ANO2: variants seen among roughly 807,000 people sequenced by gnomAD.
ANO2 encodes the protein anoctamin-2.
In ANO2, 101 loss-of-function variants were observed where a neutral mutation model predicts 124.2. The observed-to-expected ratio is 0.81, with a 90% CI of 0.69 to 0.96. The LOEUF is 0.96. Ranked by LOEUF, ANO2 falls within the 40% of genes least tolerant of loss-of-function variation. ANO2 has a pLI of 0.00. For missense variants in ANO2, 1,293 were observed against 1,274.5 expected (o/e 1.01, Z -0.22); for synonymous variants, 486 against 482.5 (o/e 1.01, Z -0.09).
At chr12:5,719,133 G>C (rs1372316819) in intron 14 of ANO2, among the ~76,000 whole-genome samples, 1 of 152,202 alleles carries the variant, frequency 6.6e-6, no homozygotes, top group South Asian at 2.1e-4. Flanking sequence ...GATACCGTTA[G>C]TGTCTGCTCC....
At chr12:5,600,405 C>G (rs1242635961) in intron 19 of ANO2, among the ~76,000 whole-genome samples, 1 of 152,128 alleles carries the variant, frequency 6.6e-6, no homozygotes, top group Non-Finnish European at 1.5e-5. Flanking sequence ...GTCAGTTAAG[C>G]CTATGGCATT....
rs376930143 is a variant in ANO2, at chr12:5,563,541, C to A, written c.2755G>T (p.Val919Leu). 3 of 1,613,844 alleles carry A rather than the reference C, an allele frequency of 1.9e-6. No homozygotes were observed. The highest frequency in any genetic ancestry group is 1.3e-5 in the African/African-American group (1 of 74,914). Residue 919 changes from valine to leucine, a missense_variant, in exon 25 of 25, where the codon GTG becomes TTG. By Grantham distance (32) the Val-to-Leu change is conservative. Transcript: ENST00000682330. ...GGGATGTCTGGAATCATCCAGTCCA[C>A]GAGGACGCTCAGGAACATCACGAGG... is the stretch of plus-strand genomic sequence containing the variant. ...QNLVMFLSVL[V>L]DWMIPDIPTD...
At chr12:5,604,655 C>A (rs1440267668) in intron 19 of ANO2, among the ~76,000 whole-genome samples, 2 of 151,896 alleles carry the variant, frequency 1.3e-5, no homozygotes, top group Non-Finnish European at 2.9e-5. Flanking sequence ...GTGGGTAGGT[C>A]AAAACAAATG....
At chr12:5,880,354 T>TA (rs1938398972) in intron 3 of ANO2, among the ~76,000 whole-genome samples, 3 of 151,370 alleles carry the variant, frequency 2.0e-5, no homozygotes, top group African/African-American at 7.3e-5. Context: ...CGTAGGTAGT[T>TA]AGATAGTAAC....
At chr12:5,891,856 T>C (rs1421318068) in intron 3 of ANO2, among the ~76,000 whole-genome samples, 1 of 152,092 alleles carries the variant, frequency 6.6e-6, no homozygotes, top group Non-Finnish European at 1.5e-5. Context: ...AAAACCCAGA[T>C]TTCCATAACA....
intron 9 of ANO2, among the ~76,000 whole-genome samples, chr12:5,802,844 C>A (rs1591634924): frequency 6.6e-6 from 1 of 152,194 alleles, no homozygotes; most frequent in Non-Finnish European, 1.5e-5. Flanking sequence ...GATTCCAGAG[C>A]CCTGGATGTA....
chr12:5,761,179 C>T (rs530372787), intron 10 of ANO2, among the ~76,000 whole-genome samples: 8 of 151,924 alleles, frequency 5.3e-5, no homozygotes, highest in African/African-American at 1.5e-4. Context: ...TTAGAGAAAA[C>T]CTACATTTTC....
intron 4 of ANO2, among the ~76,000 whole-genome samples, chr12:5,853,323 T>C (rs11063886): frequency 0.087 from 13,123 of 150,434 alleles, 697 homozygotes; most frequent in East Asian, 0.27. Context: ...TTTTAAATTA[T>C]GTATAGACTA....
rs1420900009 is a variant in ANO2 at position 5,900,810 on chromosome 12, T to C, written c.534+20230A>G. Among the ~76,000 whole-genome samples, 5 of 151,928 alleles carry C rather than the reference T, an allele frequency of 3.3e-5. No individual in the cohort carries two copies. On this transcript the variant is annotated intron_variant, in intron 3 of 24. Transcript: ENST00000682330. This position sits in a 1 kb window ranked among gnomAD's most constrained non-coding sequence, Gnocchi z 4.2. ...ATTTAATTAGAACTGGTGATGGCTG[T>C]TTGGAAAGAGTCAAGGCCAAGAGGG...
intron 3 of ANO2, among the ~76,000 whole-genome samples, chr12:5,906,536 C>T (rs1015353551): frequency 2.6e-5 from 4 of 152,020 alleles, no homozygotes; most frequent in Non-Finnish European, 4.4e-5. Context: ...GTGGCTCATG[C>T]CTGTAATCCC....
chr12:5,855,884 T>G (rs375948432), intron 3 of ANO2, among the ~76,000 whole-genome samples: 13 of 152,330 alleles, frequency 8.5e-5, no homozygotes, highest in Admixed American at 4.6e-4. Flanking sequence ...GTGTTTAGGC[T>G]AAAATCAAAT....
chr12:5,811,508 G>T (rs575717233), intron 7 of ANO2, among the ~76,000 whole-genome samples: 27 of 152,120 alleles, frequency 1.8e-4, no homozygotes, highest in Admixed American at 9.2e-4. Context: ...GGTTCCCAAA[G>T]AATACATTTT....
At chr12:5,719,472 G>C (rs1259669828) in intron 14 of ANO2, among the ~76,000 whole-genome samples, 2 of 152,160 alleles carry the variant, frequency 1.3e-5, no homozygotes, top group Non-Finnish European at 2.9e-5. Context: ...GGGTCTTTAA[G>C]AAGTGCTTAA....
chr12:5,803,970 T>A (rs1377794418), intron 9 of ANO2, among the ~76,000 whole-genome samples: 3 of 152,038 alleles, frequency 2.0e-5, no homozygotes, highest in African/African-American at 4.8e-5. Flanking sequence ...AAGGAGAACA[T>A]CCAGGTGCTG....
intron 1 of ANO2, among the ~76,000 whole-genome samples, chr12:5,937,315 G>A (rs182237006): frequency 2.0e-5 from 3 of 152,292 alleles, no homozygotes; most frequent in South Asian, 2.1e-4. Flanking sequence ...GACTGGTGAC[G>A]TCGAGGACTT....
intron 1 of ANO2, among the ~76,000 whole-genome samples, chr12:5,944,966 G>GT (rs1591823441): frequency 6.8e-6 from 1 of 146,068 alleles, no homozygotes. Flanking sequence ...CTCTCCTTGA[G>GT]TTAAAAAAAA....
intron 14 of ANO2, among the ~76,000 whole-genome samples, chr12:5,696,622 T>C (rs962953102): frequency 1.3e-5 from 2 of 152,212 alleles, no homozygotes; most frequent in African/African-American, 2.4e-5. Flanking sequence ...AAACTCATAC[T>C]GTGTGGCTTG....
chr12:5,879,521 G>C (rs185391557), intron 3 of ANO2, among the ~76,000 whole-genome samples: 1 of 152,284 alleles, frequency 6.6e-6, no homozygotes, highest in Non-Finnish European at 1.5e-5. Flanking sequence ...TCATTGTCAA[G>C]AAGCTCAATA....
Position 5,564,154 on chromosome 12 carries a change from A to G in ANO2, c.2728-586T>C, listed in dbSNP as rs576135527. 6.6e-5 allele frequency among the ~76,000 whole-genome samples: 10 copies of G among 152,304 alleles called. No individual in the cohort carries two copies. In the East Asian group the frequency reaches 1.9e-3, roughly 29 times the overall value. On this transcript the variant is annotated intron_variant, in intron 24 of 24. Transcript: ENST00000682330. ...CTGACATTCACCTTATACCGGTCTC[A>G]GTCACTGCAGCCACCTCGGCTAACC... is the stretch of plus-strand genomic sequence containing the variant.
Sources: allele counts gnomAD v4.1 joint callset (sites outside exome capture counted in the v4.1 genomes callset), GRCh38; gene constraint gnomAD v4.1.1; non-coding constraint Gnocchi (gnomAD v3.1); transcripts MANE v1.5; gene names NCBI Gene and HGNC (gene_info 2026-07-23, HGNC 2026-07-21).